The following RALGPS1 variants were observed in gnomAD, a reference collection of about 807,000 sequenced individuals.
RALGPS1 encodes the protein ras-specific guanine nucleotide-releasing factor RalGPS1.
A neutral mutation model predicts 78.8 loss-of-function variants in RALGPS1; 19 were observed. That is an observed-to-expected ratio of 0.24 (90% CI 0.17 to 0.35). The LOEUF is 0.35. Among genes scored for constraint, RALGPS1 ranks in the 10% least tolerant of loss-of-function variants. The pLI is 1.00. For synonymous variants in RALGPS1, 228 were observed against 256.3 expected, an observed-to-expected ratio of 0.89 and a Z score of 1.06; for missense variants, 454 against 688.3, an observed-to-expected ratio of 0.66 and a Z score of 3.81.
chr9:127,022,516 A>AG (rs2045558602), intron 4 of RALGPS1, among the ~76,000 whole-genome samples: 1 of 143,422 alleles, frequency 7.0e-6, no homozygotes, highest in Admixed American at 6.8e-5. Context: ...CATCCCATGC[A>AG]GAAAAAAAAA....
chr9:127,064,549 C>T (rs2049508870), intron 7 of RALGPS1, among the ~76,000 whole-genome samples: 2 of 152,216 alleles, frequency 1.3e-5, no homozygotes, highest in East Asian at 3.8e-4. Context: ...TCCCCAGAGG[C>T]AACCACTTTC....
rs940977316 is a variant in RALGPS1 at position 126,981,031 on chromosome 9, G to A, written c.216+3286G>A. On this transcript the variant is annotated intron_variant, in intron 4 of 18. Transcript: ENST00000259351. ...GAAGACATCAGCCACTTCCTAGCTG[G>A]TCATTTTTCCACCCTGGCTCAGGTT... Among the ~76,000 whole-genome samples the A allele has an allele frequency of 2.6e-5, 4 of 152,152 alleles. No individual in the cohort carries two copies. In the East Asian group the frequency reaches 7.7e-4, roughly 29 times the overall value.
At chr9:127,133,349 C>G (rs1270454727) in intron 8 of RALGPS1, among the ~76,000 whole-genome samples, 1 of 152,380 alleles carries the variant, frequency 6.6e-6, no homozygotes. Context: ...ACTGGAAACC[C>G]CCTCTTCCTG....
chr9:127,129,805 C>T (rs1226243257), intron 8 of RALGPS1, among the ~76,000 whole-genome samples: 1 of 152,262 alleles, frequency 6.6e-6, no homozygotes, highest in Admixed American at 6.5e-5. Flanking sequence ...ACCGCCTTCT[C>T]TCTTCCCTCC....
chr9:126,942,061 T>C (rs1358047140), intron 1 of RALGPS1, among the ~76,000 whole-genome samples: 1 of 152,224 alleles, frequency 6.6e-6, no homozygotes, highest in Non-Finnish European at 1.5e-5. Flanking sequence ...AGCTGAGGTT[T>C]AGAGAGAACA....
intron 8 of RALGPS1, among the ~76,000 whole-genome samples, chr9:127,124,845 A>G (rs2056490258): frequency 6.6e-6 from 1 of 152,164 alleles, no homozygotes; most frequent in African/African-American, 2.4e-5. Context: ...GCTACAGACA[A>G]AGTGTCCTAG....
intron 1 of RALGPS1, among the ~76,000 whole-genome samples, chr9:126,921,713 A>G (rs2034774306): frequency 6.6e-6 from 1 of 152,114 alleles, no homozygotes; most frequent in Non-Finnish European, 1.5e-5. Context: ...TGAGCAAATG[A>G]CTATACCTCT....
In RALGPS1 at chr9:127,091,888, T is replaced by C. The variant is rs535337292; in HGVS notation, c.610+22532T>C. 2.5e-6 allele frequency: 4 copies of C among 1,614,108 alleles called. No individual in the cohort carries two copies. The South Asian group carries it at 3.3e-5, about 13-fold the overall frequency. ...GTAGTTGCCTTGGTTCGTCAGCCAG[T>C]AAATGTTCTCCAGGCCCAGCCAGTA... On this transcript the variant is annotated intron_variant, in intron 8 of 18. Coordinates refer to ENST00000259351, the MANE Select transcript of RALGPS1 (RefSeq NM_014636.3). This position sits in a 1 kb window ranked among gnomAD's most constrained non-coding sequence, Gnocchi z 4.3.
chr9:126,926,831 T>C (rs1350768361), intron 1 of RALGPS1, among the ~76,000 whole-genome samples: 1 of 152,020 alleles, frequency 6.6e-6, no homozygotes, highest in African/African-American at 2.4e-5. Flanking sequence ...GAAACTGATG[T>C]AGAGGCCTCT....
At position 127,211,640 on chromosome 9, in the gene RALGPS1, G is replaced by C. The variant is rs571788362; in HGVS notation, c.1248-491G>C. ...AAGGGAGAGGGTGAGTGAAGAGCCC[G>C]GGAAAGATGTGGGGAATGGTGCGTG... is the stretch of plus-strand genomic sequence containing the variant. On this transcript the variant is annotated intron_variant, in intron 14 of 18. Transcript: ENST00000259351. The surrounding 1 kb of genome is among the most constrained non-coding windows in gnomAD (Gnocchi z 5.0). 5.9e-5 allele frequency among the ~76,000 whole-genome samples: 9 copies of C among 152,164 alleles called. No individual in the cohort carries two copies. The highest frequency in any genetic ancestry group is 2.2e-4 in the African/African-American group (9 of 41,498).
At chr9:127,056,824 A>G (rs2048787545) in intron 7 of RALGPS1, among the ~76,000 whole-genome samples, 1 of 152,192 alleles carries the variant, frequency 6.6e-6, no homozygotes, top group Non-Finnish European at 1.5e-5. Flanking sequence ...GTTGCATTGC[A>G]TCCTTCTTTT....
intron 2 of RALGPS1, among the ~76,000 whole-genome samples, chr9:126,965,279 A>C (rs1309064679): frequency 6.6e-6 from 1 of 152,232 alleles, no homozygotes; most frequent in East Asian, 1.9e-4. Flanking sequence ...CCGCATGATA[A>C]ATAAGCCTTG....
rs1004233288 is a variant in RALGPS1 at position 127,151,139 on chromosome 9, G to A, written c.611-14930G>A. Among the ~76,000 whole-genome samples, 39 of 151,438 alleles carry A rather than the reference G, an allele frequency of 2.6e-4. 1 individual carries two copies. The highest frequency in any genetic ancestry group is 4.2e-4 in the South Asian group (2 of 4,782). ...GCAGAGGTTGCAGCGAGCAGAGATC[G>A]CACCACTGTACTCCAGCCTGACAAC... On this transcript the variant is annotated intron_variant, in intron 8 of 18. Coordinates refer to ENST00000259351, the MANE Select transcript of RALGPS1 (RefSeq NM_014636.3).
intron 1 of RALGPS1, among the ~76,000 whole-genome samples, chr9:126,932,850 G>C (rs571260537): frequency 1.9e-4 from 29 of 152,282 alleles, no homozygotes; most frequent in African/African-American, 7.0e-4. Flanking sequence ...ACTGTTGGTC[G>C]TGAAGGATCG....
At chr9:126,916,801 C>T (rs1164372578) in intron 1 of RALGPS1, among the ~76,000 whole-genome samples, 1 of 151,940 alleles carries the variant, frequency 6.6e-6, no homozygotes, top group African/African-American at 2.4e-5. Context: ...ACAAAAATCC[C>T]CAAAAGAAGA....
chr9:127,060,541 G>A (rs56156765), intron 7 of RALGPS1, among the ~76,000 whole-genome samples: 57,410 of 149,120 alleles, frequency 0.38, 12,522 homozygotes, highest in Non-Finnish European at 0.48. Context: ...TGTTGTTGTT[G>A]TTATTAATAT....
At chr9:127,144,261 G>A (rs2057965921) in intron 8 of RALGPS1, among the ~76,000 whole-genome samples, 1 of 152,172 alleles carries the variant, frequency 6.6e-6, no homozygotes, top group South Asian at 2.1e-4. Flanking sequence ...ATTAGCTCCT[G>A]GACCCGTAGT....
intron 8 of RALGPS1, among the ~76,000 whole-genome samples, chr9:127,140,766 T>G (rs1369763369): frequency 6.6e-6 from 1 of 152,130 alleles, no homozygotes; most frequent in Non-Finnish European, 1.5e-5. Flanking sequence ...GGTAGAGACA[T>G]TTAAGATACA....
chr9:127,088,019 G>A (rs1480588452), intron 8 of RALGPS1: 1 of 152,636 alleles, frequency 6.6e-6, no homozygotes, highest in Non-Finnish European at 1.5e-5. Flanking sequence ...GGAGCCCGGA[G>A]TGTTTCCTAC....
Sources: gnomAD v4.1 joint callset for allele counts (sites outside exome capture counted in the v4.1 genomes callset) on GRCh38, gnomAD v4.1.1 for gene constraint, Gnocchi (gnomAD v3.1) non-coding constraint, MANE v1.5 for transcripts, NCBI Gene and HGNC (gene_info 2026-07-23, HGNC 2026-07-21) for gene names.